Variants in CMC2 observed in about 807,000 individuals in gnomAD.
The protein encoded by CMC2 is COX assembly mitochondrial protein 2 homolog.
Under a neutral mutation model 7.5 loss-of-function variants are expected in CMC2, and 5 were observed. That is an observed-to-expected ratio of 0.66 (90% CI 0.35 to 1.40). The LOEUF is 1.40. Ranked by LOEUF, CMC2 falls within the 40% of genes most tolerant of loss-of-function variation. CMC2 has a pLI of 0.04. For missense variants in CMC2, 115 were observed against 92.3 expected (o/e 1.25, Z -1.01); for synonymous variants, 37 against 31.4 (o/e 1.18, Z -0.60).
Position 80,970,687 on chromosome 16 carries a change from T to A in CMC2, c.*5406A>T, listed in dbSNP as rs905274112. Reference sequence around the variant, plus strand: ...CTACATAGAAAAATCTAAAATAATCTATAGGCCCCAGAATTATTAAGAAAG... The same window carrying A: ...CTACATAGAAAAATCTAAAATAATCAATAGGCCCCAGAATTATTAAGAAAG... On this transcript the variant is annotated 3_prime_UTR_variant, in exon 4 of 4. Transcript: ENST00000219400. The A allele has an allele frequency of 6.6e-6, 1 of 152,194 alleles. No individual in the cohort carries two copies. Among genetic ancestry groups the A allele is most frequent in the Non-Finnish European group, 1.5e-5 (1 of 68,028 alleles). 9.4% of individuals were successfully genotyped at this position (152,194 alleles called of 1,614,324 possible).
intron 3 of CMC2, chr16:80,978,374 T>C (rs1341467359): frequency 7.9e-7 from 1 of 1,269,346 alleles, no homozygotes; most frequent in Non-Finnish European, 1.0e-6. Context: ...TAGTCTACAT[T>C]AAAATATGCT....
At chr16:80,991,422 C>G (rs2081216) in intron 2 of CMC2, among the ~76,000 whole-genome samples, 8,713 of 152,156 alleles carry the variant, frequency 0.057, 364 homozygotes, top group East Asian at 0.19. Context: ...ATTGCTTGAG[C>G]CCAGGAGTTC....
intron 1 of CMC2, among the ~76,000 whole-genome samples, chr16:81,004,048 C>A (rs539459481): frequency 1.3e-5 from 2 of 152,156 alleles, no homozygotes; most frequent in Non-Finnish European, 2.9e-5. Flanking sequence ...CATGGTGAAA[C>A]CCAGTCTCTA....
intron 2 of CMC2, among the ~76,000 whole-genome samples, chr16:80,986,961 C>CA (rs915804488): frequency 1.3e-5 from 2 of 151,856 alleles, no homozygotes; most frequent in Non-Finnish European, 2.9e-5. Flanking sequence ...GAAGAGTGGC[C>CA]AAAAAAACTT....
chr16:80,985,800 T>C (rs982106195), intron 2 of CMC2, among the ~76,000 whole-genome samples: 9 of 149,626 alleles, frequency 6.0e-5, no homozygotes, highest in Non-Finnish European at 1.0e-4. Context: ...TGATAAGACC[T>C]GGTTTAGCAA....
At chr16:80,984,039 A>G (rs1967334262) in intron 2 of CMC2, 1 of 152,248 alleles carries the variant, frequency 6.6e-6, no homozygotes, top group Admixed American at 6.5e-5. Flanking sequence ...GGTCATATAA[A>G]TAAGCCACTA....
chr16:80,975,167 T>C lies in CMC2; in HGVS notation c.*926A>G, dbSNP rs1374110203. ...GAATTGGGCACGGGAAGAACAGTCCTATACTCAGCAGAGAGGAGACACACT... is the reference window on the plus strand; with the variant it reads ...GAATTGGGCACGGGAAGAACAGTCCCATACTCAGCAGAGAGGAGACACACT... On this transcript the variant is annotated 3_prime_UTR_variant, in exon 4 of 4. Transcript: ENST00000219400. 1 of 152,238 alleles carries C rather than the reference T, an allele frequency of 6.6e-6. No homozygotes were observed. The highest frequency in any genetic ancestry group is 2.4e-5 in the African/African-American group (1 of 41,452). The allele number at this position is 152,238 out of a possible 1,614,324, so 9.4% of individuals were successfully genotyped here. A position where few individuals can be genotyped will look rare whatever the true frequency, so the allele number is the denominator to read the frequency against.
chr16:80,979,612 ATTTTATT>A (rs1567507212), intron 3 of CMC2, among the ~76,000 whole-genome samples: 2 of 149,596 alleles, frequency 1.3e-5, no homozygotes, highest in African/African-American at 2.4e-5. Flanking sequence ...TTTATTTTTT[ATTTTATT>A]TTTTTTTAAT....
In CMC2 at chr16:80,997,412, G is replaced by A. The variant is rs1321562481; in HGVS notation, c.-18C>T. On this transcript the variant is annotated 5_prime_UTR_variant, in exon 2 of 4. Coordinates refer to ENST00000219400, the MANE Select transcript of CMC2 (RefSeq NM_020188.5). ...GGATGCATCTTTAGGAGATGAGGAT[G>A]GATCACAGCAGTGCAACCTGTGGAT... The A allele has an allele frequency of 1.3e-6, 2 of 1,592,346 alleles. No homozygotes were observed. The highest frequency in any genetic ancestry group is 2.3e-5 in the East Asian group (1 of 44,280).
rs1027642595 is a variant in CMC2, at chr16:80,973,403, G to T, written c.*2690C>A. 1 of 152,132 alleles carries T rather than the reference G, an allele frequency of 6.6e-6. No individual in the cohort carries two copies. Among genetic ancestry groups the T allele is most frequent in the African/African-American group, 2.4e-5 (1 of 41,420 alleles). The allele number at this position is 152,132 out of a possible 1,614,324, so 9.4% of individuals were successfully genotyped here. A position where few individuals can be genotyped will look rare whatever the true frequency, so the allele number is the denominator to read the frequency against. ...GTGCACTTGAGAGAAAAACAATATT[G>T]AGGGGGCCCTTACTTTGTGCCAGAT... On this transcript the variant is annotated 3_prime_UTR_variant, in exon 4 of 4. Coordinates refer to ENST00000219400, the MANE Select transcript of CMC2 (RefSeq NM_020188.5).
intron 3 of CMC2, among the ~76,000 whole-genome samples, chr16:80,981,096 T>C (rs1275902290): frequency 6.8e-6 from 1 of 147,930 alleles, no homozygotes; most frequent in African/African-American, 2.5e-5. Context: ...AAAAAAAAGT[T>C]CAAAAATAAC....
At chr16:80,985,106 T>A (rs1459704398) in intron 2 of CMC2, among the ~76,000 whole-genome samples, 3 of 152,198 alleles carry the variant, frequency 2.0e-5, no homozygotes, top group African/African-American at 7.2e-5. Context: ...ATCTGGGTCC[T>A]ACTCTCACAG....
chr16:80,984,444 C>T (rs1369489286), intron 2 of CMC2, among the ~76,000 whole-genome samples: 1 of 152,128 alleles, frequency 6.6e-6, no homozygotes, highest in African/African-American at 2.4e-5. Flanking sequence ...TTTAAACGTA[C>T]GTTTCAATTC....
intron 2 of CMC2, among the ~76,000 whole-genome samples, chr16:80,995,932 G>C (rs892442159): frequency 6.6e-6 from 1 of 151,262 alleles, no homozygotes; most frequent in Non-Finnish European, 1.5e-5. Flanking sequence ...CCTCAATAAA[G>C]TTAATTTTTT....
At chr16:80,994,881 C>T (rs540364038) in intron 2 of CMC2, among the ~76,000 whole-genome samples, 5 of 152,312 alleles carry the variant, frequency 3.3e-5, no homozygotes, top group African/African-American at 1.2e-4. Flanking sequence ...TGCGGTGGCT[C>T]ATGCCTGTAA....
intron 2 of CMC2, 173 bp downstream of exon 2, chr16:80,997,141 A>G (rs905648715): frequency 9.9e-6 from 6 of 605,376 alleles, no homozygotes; most frequent in South Asian, 5.8e-5. Context: ...AAAAGGAGGT[A>G]GTTTGTGTAA....
chr16:80,970,255 C>T lies in CMC2; in HGVS notation c.*5838G>A, dbSNP rs1041067947. 6.6e-6 allele frequency: 1 copy of T among 152,196 alleles called. No individual in the cohort carries two copies. Among genetic ancestry groups the T allele is most frequent in the East Asian group, 1.9e-4 (1 of 5,196 alleles). The allele number at this position is 152,196 out of a possible 1,614,324, so 9.4% of individuals were successfully genotyped here. ...AAAATGGATGCTTCATGGACCGTCT[C>T]TCTCTCAATTTAAGTCAATTCCAAA... On this transcript the variant is annotated 3_prime_UTR_variant, in exon 4 of 4. Coordinates refer to ENST00000219400, the MANE Select transcript of CMC2 (RefSeq NM_020188.5).
intron 2 of CMC2, among the ~76,000 whole-genome samples, chr16:80,984,597 C>A (rs1201972731): frequency 6.6e-6 from 1 of 151,914 alleles, no homozygotes; most frequent in African/African-American, 2.4e-5. Context: ...TTTTTTCTTT[C>A]CTCTATCATT....
chr16:80,978,172 GA>G, intron 3 of CMC2: 1 of 674,618 alleles, frequency 1.5e-6, no homozygotes, highest in Non-Finnish European at 1.9e-6. Flanking sequence ...AATTGTTGGG[GA>G]AAAAATCAAT....
Sources: gnomAD v4.1 joint callset for allele counts (sites outside exome capture counted in the v4.1 genomes callset) on GRCh38, gnomAD v4.1.1 for gene constraint, MANE v1.5 for transcripts, NCBI Gene and HGNC (gene_info 2026-07-23, HGNC 2026-07-21) for gene names.